Variants in BRD1 observed in about 807,000 individuals in gnomAD.
BRD1 encodes bromodomain containing 1.
In BRD1, 24 loss-of-function variants were observed where a neutral mutation model predicts 107.7. The ratio of observed to expected loss-of-function variants is 0.22; its 90% confidence interval spans 0.16 to 0.31. BRD1 has a LOEUF of 0.31. BRD1 is among the 10% of genes least tolerant of loss of function. BRD1 has a pLI of 1.00. For synonymous variants in BRD1, 744 were observed against 686.1 expected (o/e 1.08, Z -1.32); for missense variants, 1,279 against 1,638.6 (o/e 0.78, Z 3.79).
chr22:49,803,228 C>T lies in BRD1; in HGVS notation c.1524+976G>A, dbSNP rs140457698. ...GGCAGAGTCTGCGAGGCAGAGACAG[C>T]ACCGGCCACCGCACCACCGCACGGG... On this transcript the variant is annotated intron_variant, in intron 3 of 12. Coordinates refer to ENST00000404760, the MANE Select transcript of BRD1 (RefSeq NM_001304808.3). This position sits in a 1 kb window ranked among gnomAD's most constrained non-coding sequence, Gnocchi z 4.4. 1.3e-3 allele frequency among the ~76,000 whole-genome samples: 193 copies of T among 151,644 alleles called. 2 individuals carry two copies. The highest frequency in any genetic ancestry group is 4.5e-3 in the African/African-American group (185 of 40,900).
At position 49,797,806 on chromosome 22, in the gene BRD1, G is replaced by C. The variant is rs146967250; in HGVS notation, c.2097C>G (p.Asp699Glu). 68 of 1,591,438 alleles carry C rather than the reference G, an allele frequency of 4.3e-5. No individual in the cohort carries two copies. Among genetic ancestry groups the C allele is most frequent in the Non-Finnish European group, 5.0e-5 (58 of 1,169,756 alleles). The change falls in exon 6 of 13, where the codon GAC becomes GAG. Residue 699 changes from aspartate to glutamate, a missense_variant and splice_region_variant. Asp to Glu is a conservative substitution (Grantham distance 45). Transcript: ENST00000404760. ...AAPRRPFSWE[D>E]VDRLLDPANR... Reference sequence around the variant, plus strand: ...TCCGGACACGGCGCCAGTTCTTACCGTCTTCCCAGGAGAAAGGCCGCCGCG... The same window carrying C: ...TCCGGACACGGCGCCAGTTCTTACCCTCTTCCCAGGAGAAAGGCCGCCGCG...
chr22:49,775,966 G>T (rs550998465), intron 11 of BRD1, 84 bp downstream of exon 11: 6 of 928,430 alleles, frequency 6.5e-6, no homozygotes, highest in African/African-American at 4.5e-5. Flanking sequence ...TTGGACCACC[G>T]CCGTGAGCCT....
chr22:49,774,042 G>T lies in BRD1; in HGVS notation c.*191C>A. ...CAGACGCACTGGGCTGCCCGGACGT[G>T]CCCACCCCACTCACAGCGCCCAGAC... On this transcript the variant is annotated 3_prime_UTR_variant, in exon 13 of 13. Transcript: ENST00000404760. The T allele has an allele frequency of 1.4e-6, 1 of 699,786 alleles. No homozygotes were observed. The highest frequency in any genetic ancestry group is 2.2e-6 in the Non-Finnish European group (1 of 444,972). 43.3% of individuals were successfully genotyped at this position (699,786 alleles called of 1,614,324 possible).
At chr22:49,794,653 G>A (rs1423948861) in intron 6 of BRD1, among the ~76,000 whole-genome samples, 1 of 152,252 alleles carries the variant, frequency 6.6e-6, no homozygotes, top group Non-Finnish European at 1.5e-5. Context: ...ACCCCAGAGA[G>A]AGGCGCACGC....
At chr22:49,775,431 C>G in intron 12 of BRD1, 160 bp downstream of exon 12, 4 of 686,858 alleles carry the variant, frequency 5.8e-6, no homozygotes, top group Non-Finnish European at 8.5e-6. Flanking sequence ...GGGCAGTGCC[C>G]TTCTCCACCA....
In BRD1 at chr22:49,792,951, T is replaced by C. The variant is rs1239075004; in HGVS notation, c.2359+1083A>G. Among the ~76,000 whole-genome samples, 1 of 152,152 alleles carries C rather than the reference T, an allele frequency of 6.6e-6. No homozygotes were observed. Among genetic ancestry groups the C allele is most frequent in the African/African-American group, 2.4e-5 (1 of 41,428 alleles). On this transcript the variant is annotated intron_variant, in intron 7 of 12. Transcript: ENST00000404760. This position sits in a 1 kb window ranked among gnomAD's most constrained non-coding sequence, Gnocchi z 4.2. ...TGGCATCATGAAGACACTGCGTCAC[T>C]CCGAGCACAGACGTCCATAAGAGAT...
chr22:49,790,870 G>A (rs1052551337), intron 7 of BRD1, among the ~76,000 whole-genome samples: 1 of 152,216 alleles, frequency 6.6e-6, no homozygotes, highest in African/African-American at 2.4e-5. Flanking sequence ...ACGGCAGGGG[G>A]ACTTCCACAC....
Position 49,823,033 on chromosome 22 carries a change from T to C in BRD1, c.1285A>G (p.Lys429Glu). 1 of 1,614,232 alleles carries C rather than the reference T, an allele frequency of 6.2e-7. No individual in the cohort carries two copies. Among genetic ancestry groups the C allele is most frequent in the Non-Finnish European group, 8.5e-7 (1 of 1,180,040 alleles). ...AGAGCTTTCTTAGCCTTTTTTGCCT[T>C]CTTCCTGACCTTGGATGTGGACCTG... ...TVRSTSKVRK[K>E]AKKAKKALAE... The change falls in exon 2 of 13, where the codon AAG (lysine) becomes GAG (glutamate). Residue 429 changes from lysine (K) to glutamate (E), a missense_variant. Lys to Glu is a moderately conservative substitution (Grantham distance 56). Coordinates refer to ENST00000404760, the MANE Select transcript of BRD1 (RefSeq NM_001304808.3).
chr22:49,785,588 C>T (rs1045580510), intron 8 of BRD1, among the ~76,000 whole-genome samples: 1 of 152,238 alleles, frequency 6.6e-6, no homozygotes, highest in Non-Finnish European at 1.5e-5. Context: ...GACACATCCC[C>T]CAGTCCTGAG....
At chr22:49,776,511 C>T (rs1348964731) in intron 10 of BRD1, among the ~76,000 whole-genome samples, 1 of 152,256 alleles carries the variant, frequency 6.6e-6, no homozygotes, top group African/African-American at 2.4e-5. Context: ...CAACTGACAC[C>T]CCAAATGGGA....
intron 11 of BRD1, 77 bp downstream of exon 11, chr22:49,775,950 ACCTCCTTGGACCACCGCCGTGAG>A (rs2059088071): frequency 2.2e-5 from 22 of 980,296 alleles, no homozygotes; most frequent in South Asian, 1.1e-4. Context: ...CAGCTGTGGA[ACCTCCTTGGACCACCGCCGTGAG>A]CCTCCTCGGA....
At chr22:49,778,851 C>T (rs1003264450) in intron 8 of BRD1, among the ~76,000 whole-genome samples, 1 of 152,010 alleles carries the variant, frequency 6.6e-6, no homozygotes, top group Non-Finnish European at 1.5e-5. Context: ...TTAGTAGAGA[C>T]GGAGTTTCAC....
In BRD1 at chr22:49,777,167, G is replaced by A. The variant is rs1235552243; in HGVS notation, c.2994-6C>T. On this transcript the variant is annotated splice_polypyrimidine_tract_variant and splice_region_variant and intron_variant, in intron 9 of 12. Transcript: ENST00000404760. The stretch of plus-strand genomic sequence containing the variant: ...CACATTTGGGCGCATTAAAGCTTCG[G>A]GAGGAAGAGCAGAGGGAGTCAGGCG... The A allele has an allele frequency of 1.2e-6, 2 of 1,612,296 alleles. No homozygotes were observed. The highest frequency in any genetic ancestry group is 1.7e-6 in the Non-Finnish European group (2 of 1,179,874).
Position 49,804,226 on chromosome 22 carries a change from T to G in BRD1, c.1502A>C (p.Gln501Pro), listed in dbSNP as rs2059698567. The part of the protein sequence containing the change: ...PLLRRLQSSL[Q>P]SQRSSQQREN... ...TACCTGCTGTGAGCTTCGCTGAGAC[T>G]GCAGGCTGGACTGCAGCCGCCGCAG... The change falls in exon 3 of 13, where the codon CAG becomes CCG. Residue 501 changes from glutamine (Q) to proline (P), a missense_variant. By Grantham distance (76) the Gln-to-Pro change is moderately conservative. Transcript: ENST00000404760. 2.5e-6 allele frequency: 4 copies of G among 1,601,722 alleles called. No homozygotes were observed. Among genetic ancestry groups the G allele is most frequent in the Non-Finnish European group, 3.4e-6 (4 of 1,174,072 alleles).
At chr22:49,793,173 A>C (rs1441361768) in intron 7 of BRD1, among the ~76,000 whole-genome samples, 1 of 152,232 alleles carries the variant, frequency 6.6e-6, no homozygotes, top group African/African-American at 2.4e-5. Context: ...GACACACGGC[A>C]AAACACAGTG....
At chr22:49,816,160 G>A (rs752259327) in intron 2 of BRD1, among the ~76,000 whole-genome samples, 72 of 152,284 alleles carry the variant, frequency 4.7e-4, no homozygotes, top group African/African-American at 3.6e-4. Context: ...TTAACAGCCA[G>A]AAACATGGAG....
chr22:49,777,887 C>A, intron 8 of BRD1, 74 bp from the exon 9 acceptor site: 1 of 1,497,946 alleles, frequency 6.7e-7, no homozygotes, highest in Non-Finnish European at 8.9e-7. Flanking sequence ...CGACGTTACA[C>A]TTGGAACACA....
At position 49,783,142 on chromosome 22, in the gene BRD1, T is replaced by G. The variant is rs1013033880; in HGVS notation, c.2857+4248A>C. Among the ~76,000 whole-genome samples the G allele has an allele frequency of 6.6e-6, 1 of 151,496 alleles. No individual in the cohort carries two copies. Among genetic ancestry groups the G allele is most frequent in the African/African-American group, 2.4e-5 (1 of 41,110 alleles). ...AGACCTGCTCTTGCTGGGACCCAGC[T>G]CCATGACAATGCAGCTGGGATGGTC... On this transcript the variant is annotated intron_variant, in intron 8 of 12. Transcript: ENST00000404760. This position sits in a 1 kb window ranked among gnomAD's most constrained non-coding sequence, Gnocchi z 4.2.
At chr22:49,784,256 A>C (rs2059276483) in intron 8 of BRD1, among the ~76,000 whole-genome samples, 1 of 147,784 alleles carries the variant, frequency 6.8e-6, no homozygotes, top group African/African-American at 2.5e-5. Flanking sequence ...ACGCCCCAGC[A>C]CGTGCACAGG....
Sources: allele counts gnomAD v4.1 joint callset (sites outside exome capture counted in the v4.1 genomes callset), GRCh38; gene constraint gnomAD v4.1.1; non-coding constraint Gnocchi (gnomAD v3.1); transcripts MANE v1.5; gene names NCBI Gene and HGNC (gene_info 2026-07-23, HGNC 2026-07-21).